PLCXD3: variants seen among roughly 807,000 people sequenced by gnomAD.
PLCXD3 encodes the protein PI-PLC X domain-containing protein 3.
Under a neutral mutation model 25.5 loss-of-function variants are expected in PLCXD3, and 19 were observed. The ratio of observed to expected loss-of-function variants is 0.75; its 90% CI spans 0.52 to 1.09. The LOEUF (loss-of-function observed/expected upper bound fraction) is 1.09, where lower values mean the gene tolerates loss of function less well. PLCXD3 is among the 50% of genes least tolerant of loss of function. The probability of loss-of-function intolerance (pLI) is 0.00; values close to 1 mark genes in which losing one functional copy is unlikely to be tolerated. For missense variants in PLCXD3, 411 were observed against 388.1 expected (o/e 1.06, Z -0.50); for synonymous variants, 174 against 137.6 (o/e 1.26, Z -1.85).
chr5:41,339,346 G>C (rs1166149523), intron 2 of PLCXD3, among the ~76,000 whole-genome samples: 2 of 152,140 alleles, frequency 1.3e-5, no homozygotes, highest in East Asian at 3.9e-4. Context: ...GGTAGCTCCA[G>C]CTGGTAGTAT....
chr5:41,327,915 C>T (rs1319273510), intron 2 of PLCXD3, among the ~76,000 whole-genome samples: 1 of 152,162 alleles, frequency 6.6e-6, no homozygotes, highest in Non-Finnish European at 1.5e-5. Flanking sequence ...AAGCGATCCT[C>T]CTGCTTCAGC....
intron 1 of PLCXD3, among the ~76,000 whole-genome samples, chr5:41,452,181 T>A (rs1747648751): frequency 6.6e-6 from 1 of 152,052 alleles, no homozygotes; most frequent in Non-Finnish European, 1.5e-5. Flanking sequence ...TTGTCTGCTC[T>A]TAAATTGCTT....
At chr5:41,341,281 T>A (rs917724593) in intron 2 of PLCXD3, among the ~76,000 whole-genome samples, 3 of 151,948 alleles carry the variant, frequency 2.0e-5, no homozygotes, top group Admixed American at 6.6e-5. Context: ...ATGTCCAGAG[T>A]GGACAGCTTC....
intron 2 of PLCXD3, among the ~76,000 whole-genome samples, chr5:41,368,378 T>A (rs161088): frequency 0.11 from 17,224 of 152,168 alleles, 1,089 homozygotes; most frequent in African/African-American, 0.13. Flanking sequence ...TTTTTGCACA[T>A]TAATTTTGTA....
chr5:41,349,802 A>G (rs996237405), intron 2 of PLCXD3, among the ~76,000 whole-genome samples: 2 of 152,216 alleles, frequency 1.3e-5, no homozygotes, highest in Admixed American at 1.3e-4. Flanking sequence ...TCCTGTAGTT[A>G]CAGAGCACTA....
At chr5:41,414,392 G>C (rs1746645495) in intron 1 of PLCXD3, among the ~76,000 whole-genome samples, 2 of 152,116 alleles carry the variant, frequency 1.3e-5, no homozygotes, top group Admixed American at 1.3e-4. Context: ...AGTAGAGACA[G>C]GGTTTCTCCA....
chr5:41,503,779 G>C (rs1006708241), intron 1 of PLCXD3, among the ~76,000 whole-genome samples: 1 of 152,118 alleles, frequency 6.6e-6, no homozygotes, highest in African/African-American at 2.4e-5. Flanking sequence ...CATGAGAGGA[G>C]TCTATAAACT....
chr5:41,408,167 T>C (rs1377327332), intron 1 of PLCXD3, among the ~76,000 whole-genome samples: 2 of 152,202 alleles, frequency 1.3e-5, no homozygotes, highest in Non-Finnish European at 2.9e-5. Context: ...TTAAGTCTCT[T>C]TCTCATATGA....
intron 1 of PLCXD3, among the ~76,000 whole-genome samples, chr5:41,458,759 A>G (rs1747809435): frequency 6.6e-6 from 1 of 151,934 alleles, no homozygotes; most frequent in African/African-American, 2.4e-5. Context: ...CAGAAGAAAA[A>G]CACTAAAAGG....
rs1454995156 is a variant in PLCXD3 at position 41,493,858 on chromosome 5, G to A, written c.103+16566C>T. On this transcript the variant is annotated intron_variant, in intron 1 of 2. Transcript: ENST00000377801. ...GTCTGTCACCCCTTTCTTTGACTAGGAAAGGGAACTCCCTGACCCCTTGCA... is the reference window on the plus strand; with the variant it reads ...GTCTGTCACCCCTTTCTTTGACTAGAAAAGGGAACTCCCTGACCCCTTGCA... Among the ~76,000 whole-genome samples, 5 of 152,198 alleles carry A rather than the reference G, an allele frequency of 3.3e-5. No homozygotes were observed. In the South Asian group the frequency reaches 8.3e-4, roughly 25 times the overall value.
chr5:41,410,329 G>A (rs190399206), intron 1 of PLCXD3, among the ~76,000 whole-genome samples: 14 of 151,866 alleles, frequency 9.2e-5, no homozygotes, highest in Non-Finnish European at 1.6e-4. Context: ...ATTTTTAGTA[G>A]AGATGGGGTT....
At chr5:41,376,145 A>G (rs1257042937) in intron 2 of PLCXD3, among the ~76,000 whole-genome samples, 1 of 152,082 alleles carries the variant, frequency 6.6e-6, no homozygotes, top group Non-Finnish European at 1.5e-5. Flanking sequence ...CAAGATGATC[A>G]CTGTGATGAT....
intron 1 of PLCXD3, among the ~76,000 whole-genome samples, chr5:41,435,234 A>G (rs1580371936): frequency 6.6e-6 from 1 of 152,286 alleles, no homozygotes; most frequent in South Asian, 2.1e-4. Flanking sequence ...CTCTGTCATC[A>G]TTTTTATGAA....
chr5:41,420,422 G>T (rs1746792122), intron 1 of PLCXD3, among the ~76,000 whole-genome samples: 1 of 152,168 alleles, frequency 6.6e-6, no homozygotes, highest in South Asian at 2.1e-4. Context: ...CATAAATTCA[G>T]TGTTCCTCAT....
intron 1 of PLCXD3, among the ~76,000 whole-genome samples, chr5:41,452,629 A>G (rs1747661701): frequency 6.6e-6 from 1 of 151,964 alleles, no homozygotes; most frequent in African/African-American, 2.4e-5. Flanking sequence ...GCTACAATAC[A>G]CTCAAGTTGC....
At chr5:41,466,984 T>A (rs1020576611) in intron 1 of PLCXD3, among the ~76,000 whole-genome samples, 2 of 152,192 alleles carry the variant, frequency 1.3e-5, no homozygotes, top group Admixed American at 6.5e-5. Flanking sequence ...TGATTCTATA[T>A]CTTCGCTATT....
intron 2 of PLCXD3, among the ~76,000 whole-genome samples, chr5:41,338,918 G>T (rs1013606017): frequency 6.0e-4 from 91 of 152,246 alleles, no homozygotes; most frequent in African/African-American, 2.1e-3. Flanking sequence ...TCACTTGGGT[G>T]TGAAGTGTAA....
chr5:41,356,824 T>G (rs888427965), intron 2 of PLCXD3, among the ~76,000 whole-genome samples: 2 of 152,154 alleles, frequency 1.3e-5, no homozygotes, highest in Non-Finnish European at 2.9e-5. Context: ...CACTGGGTCA[T>G]CCCTCCTGGA....
intron 2 of PLCXD3, among the ~76,000 whole-genome samples, chr5:41,336,539 A>C (rs1000372908): frequency 3.3e-5 from 5 of 152,106 alleles, no homozygotes; most frequent in Non-Finnish European, 4.4e-5. Flanking sequence ...TCAGGTATGT[A>C]GTGAATGCTT....
Sources: gnomAD v4.1 joint callset for allele counts (sites outside exome capture counted in the v4.1 genomes callset) on GRCh38, gnomAD v4.1.1 for gene constraint, MANE v1.5 for transcripts, NCBI Gene and HGNC (gene_info 2026-07-23, HGNC 2026-07-21) for gene names.